RIC1: variants seen among roughly 807,000 people sequenced by gnomAD.
RIC1 encodes the protein guanine nucleotide exchange factor subunit RIC1.
RIC1 carries 88 observed loss-of-function variants against 169.0 expected under a neutral mutation model. The ratio of observed to expected loss-of-function variants is 0.52; its 90% CI spans 0.44 to 0.62. RIC1 has a LOEUF of 0.62. Ranked by LOEUF, RIC1 falls within the 20% of genes least tolerant of loss-of-function variation. The pLI, the probability that RIC1 is intolerant of heterozygous loss-of-function variation, is 0.00. For missense variants in RIC1, 1,877 were observed against 1,725.5 expected (o/e 1.09, Z -1.56); for synonymous variants, 790 against 601.5 (o/e 1.31, Z -4.59).
intron 7 of RIC1, 40 bp downstream of exon 7, chr9:5,732,519 G>T (rs750930247): frequency 7.3e-7 from 1 of 1,374,488 alleles, no homozygotes; most frequent in Admixed American, 2.3e-5. Context: ...AAGAGTTGTT[G>T]CAAAAAATAC....
intron 6 of RIC1, among the ~76,000 whole-genome samples, chr9:5,724,472 A>G (rs1413740293): frequency 1.3e-5 from 2 of 152,144 alleles, no homozygotes; most frequent in African/African-American, 4.8e-5. Context: ...GAGACTATGG[A>G]GTTTTCTAGA....
intron 2 of RIC1, among the ~76,000 whole-genome samples, chr9:5,675,582 C>G (rs1440959496): frequency 6.6e-6 from 1 of 152,014 alleles, no homozygotes; most frequent in Non-Finnish European, 1.5e-5. Context: ...TCTTTGTTGT[C>G]TTAATATTTA....
chr9:5,696,298 T>G (rs1193288463), intron 3 of RIC1, among the ~76,000 whole-genome samples: 3 of 152,136 alleles, frequency 2.0e-5, no homozygotes, highest in Non-Finnish European at 4.4e-5. Context: ...CTCTCTGGCC[T>G]GGCATTTAGA....
At chr9:5,671,304 C>T (rs539517552) in intron 2 of RIC1, among the ~76,000 whole-genome samples, 1 of 148,596 alleles carries the variant, frequency 6.7e-6, no homozygotes, top group African/African-American at 2.5e-5. Flanking sequence ...GCATCTTGCT[C>T]TGTCACCCAG....
At chr9:5,687,915 T>G (rs572943874) in intron 2 of RIC1, among the ~76,000 whole-genome samples, 9 of 151,910 alleles carry the variant, frequency 5.9e-5, no homozygotes, top group South Asian at 2.1e-4. Context: ...TTATTTTGGG[T>G]TTTTTTGTGT....
At chr9:5,756,463 CT>C in intron 16 of RIC1, 91 bp downstream of exon 16, 3 of 822,122 alleles carry the variant, frequency 3.6e-6, no homozygotes, top group South Asian at 4.4e-5. Flanking sequence ...AGTTATTCCA[CT>C]TTTATATTCA....
intron 7 of RIC1, among the ~76,000 whole-genome samples, chr9:5,737,919 T>C (rs1189776961): frequency 2.0e-5 from 3 of 152,100 alleles, no homozygotes; most frequent in Non-Finnish European, 2.9e-5. Context: ...AAGGTCTTCA[T>C]TGTCACCGTG....
At chr9:5,632,721 A>G (rs4740823) in intron 1 of RIC1, among the ~76,000 whole-genome samples, 45,842 of 152,048 alleles carry the variant, frequency 0.3, 7,944 homozygotes, top group East Asian at 0.63. Context: ...AAACTGTTGC[A>G]TAAGGTAGGT....
At chr9:5,747,236 C>T (rs34754676) in intron 11 of RIC1, 66 bp from the exon 12 acceptor site, 24,765 of 1,217,862 alleles carry the variant, frequency 0.02, 325 homozygotes, top group Middle Eastern at 0.024. Flanking sequence ...TTTTTGCCTG[C>T]GTAATATTGA....
Position 5,743,725 on chromosome 9 carries a change from G to C in RIC1, c.1083G>C (p.Lys361Asn). The C allele has an allele frequency of 1.2e-6, 2 of 1,609,506 alleles. No homozygotes were observed. The highest frequency in any genetic ancestry group is 1.7e-6 in the Non-Finnish European group (2 of 1,176,670). Residue 361 changes from lysine to asparagine, a missense_variant, in exon 10 of 26, where the codon AAG becomes AAC. Coordinates refer to ENST00000414202, the MANE Select transcript of RIC1 (RefSeq NM_020829.4). ...RSDGTKKDPL[K>N]INSMSWGAEG... Reference sequence around the variant, plus strand: ...ATGGCACCAAAAAAGATCCCCTTAAGATCAACTCTATGGTAAGTACTTTCT... The same window carrying C: ...ATGGCACCAAAAAAGATCCCCTTAACATCAACTCTATGGTAAGTACTTTCT...
chr9:5,754,185 G>C (rs1429475723), intron 14 of RIC1, among the ~76,000 whole-genome samples: 1 of 151,960 alleles, frequency 6.6e-6, no homozygotes, highest in Non-Finnish European at 1.5e-5. Flanking sequence ...TACTGTTACT[G>C]ATCTTTTGAT....
At chr9:5,667,993 A>G (rs1380616392) in intron 2 of RIC1, among the ~76,000 whole-genome samples, 1 of 152,190 alleles carries the variant, frequency 6.6e-6, no homozygotes, top group Non-Finnish European at 1.5e-5. Context: ...TTATAAAGGA[A>G]AGAGGTTTAA....
At chr9:5,677,825 C>G (rs1454406494) in intron 2 of RIC1, among the ~76,000 whole-genome samples, 1 of 151,918 alleles carries the variant, frequency 6.6e-6, no homozygotes, top group Non-Finnish European at 1.5e-5. Flanking sequence ...AAACATTTTT[C>G]TCACCATGTT....
At chr9:5,688,101 A>C (rs1821361971) in intron 2 of RIC1, among the ~76,000 whole-genome samples, 1 of 152,192 alleles carries the variant, frequency 6.6e-6, no homozygotes. Context: ...AATATAGTTC[A>C]CATTTGGAAC....
chr9:5,639,951 A>G lies in RIC1; in HGVS notation c.144+10498A>G, dbSNP rs958889743. Among the ~76,000 whole-genome samples, 17 of 152,090 alleles carry G rather than the reference A, an allele frequency of 1.1e-4. No individual in the cohort carries two copies. In the East Asian group the frequency reaches 1.2e-3, roughly 10 times the overall value. Reference sequence around the variant, plus strand: ...TTTTTCATCCCCTTATTTTCAGTCTATGCATACCTTTGTATGTGAAGTGTG... The same window carrying G: ...TTTTTCATCCCCTTATTTTCAGTCTGTGCATACCTTTGTATGTGAAGTGTG... On this transcript the variant is annotated intron_variant, in intron 1 of 25. Coordinates refer to ENST00000414202, the MANE Select transcript of RIC1 (RefSeq NM_020829.4).
chr9:5,690,276 C>G (rs1821518070), intron 3 of RIC1, among the ~76,000 whole-genome samples: 3 of 152,056 alleles, frequency 2.0e-5, no homozygotes, highest in African/African-American at 7.2e-5. Flanking sequence ...TTCAGAATGA[C>G]TGTTAATATA....
chr9:5,762,566 T>G lies in RIC1; in HGVS notation c.2018T>G (p.Leu673Ter), dbSNP rs1329802025. 6.2e-7 allele frequency: 1 copy of G among 1,613,912 alleles called. No individual in the cohort carries two copies. Among genetic ancestry groups the G allele is most frequent in the African/African-American group, 1.3e-5 (1 of 74,938 alleles). Residue 673 changes from leucine (L) to a stop codon, truncating the protein, a stop_gained, in exon 18 of 26, where the codon TTA (leucine) becomes TGA (stop). Transcript: ENST00000414202. LOFTEE classifies it high-confidence loss of function. ...GCTCGTGGTGCAGAGAGCATTATGT[T>G]AAACCTGGCAGGACAGCTCATCATG... ...QQARGAESIMLNLAGQLIMMQ... is the reference protein window; with the variant it reads ...QQARGAESIM
chr9:5,660,424 G>T (rs1819385487), intron 2 of RIC1, among the ~76,000 whole-genome samples: 1 of 152,102 alleles, frequency 6.6e-6, no homozygotes, highest in Non-Finnish European at 1.5e-5. Flanking sequence ...TTGAGGAATT[G>T]CCTACTGTCT....
chr9:5,644,004 A>G (rs747053570), intron 1 of RIC1, among the ~76,000 whole-genome samples: 2 of 152,226 alleles, frequency 1.3e-5, no homozygotes, highest in African/African-American at 2.4e-5. Flanking sequence ...TCAACCATAA[A>G]TCATACAAAA....
Sources: gnomAD v4.1 joint callset for allele counts (sites outside exome capture counted in the v4.1 genomes callset) on GRCh38, gnomAD v4.1.1 for gene constraint, MANE v1.5 for transcripts, NCBI Gene and HGNC (gene_info 2026-07-23, HGNC 2026-07-21) for gene names.